The following PTPRN2 variants were observed in gnomAD, a reference collection of about 807,000 sequenced individuals.
PTPRN2 encodes receptor-type tyrosine-protein phosphatase N2.
Under a neutral mutation model 118.8 loss-of-function variants are expected in PTPRN2, and 74 were observed. The observed-to-expected ratio is 0.62, with a 90% CI of 0.52 to 0.76. The LOEUF (loss-of-function observed/expected upper bound fraction) is 0.76. Among genes scored for constraint, PTPRN2 ranks in the 30% least tolerant of loss-of-function variants. The pLI, the probability that PTPRN2 is intolerant of heterozygous loss-of-function variation, is 0.00. For missense variants in PTPRN2, 1,481 were observed against 1,394.4 expected, an observed-to-expected ratio of 1.06 and a Z score of -0.99; for synonymous variants, 641 against 608.0, an observed-to-expected ratio of 1.05 and a Z score of -0.80.
intron 2 of PTPRN2, among the ~76,000 whole-genome samples, chr7:158,428,319 G>C (rs1815903117): frequency 6.6e-6 from 1 of 152,204 alleles, no homozygotes; most frequent in African/African-American, 2.4e-5. Context: ...CAAGGGGCCT[G>C]CTCTTGGTGG....
intron 11 of PTPRN2, among the ~76,000 whole-genome samples, chr7:157,995,872 C>T (rs749039012): frequency 5.9e-5 from 9 of 152,206 alleles, no homozygotes; most frequent in African/African-American, 1.2e-4. Context: ...ATGAAATCGA[C>T]GTAAGTGTCC....
At position 157,577,744 on chromosome 7, in the gene PTPRN2, AG is replaced by A. The variant is rs535632473; in HGVS notation, c.2616+276del. ...AAGATAAAAACCACACCACACTCCC[AG>A]GGTCTGGTTCATGAGCACACAGCCG... On this transcript the variant is annotated intron_variant, in intron 18 of 22. Coordinates refer to ENST00000389418, the MANE Select transcript of PTPRN2 (RefSeq NM_002847.5). Among the ~76,000 whole-genome samples, 4 of 152,370 alleles carry A rather than the reference AG, an allele frequency of 2.6e-5. 1 individual carries two copies. In the South Asian group the frequency reaches 8.3e-4, roughly 32 times the overall value.
At chr7:158,584,067 A>C (rs1828789543) in intron 1 of PTPRN2, among the ~76,000 whole-genome samples, 1 of 152,180 alleles carries the variant, frequency 6.6e-6, no homozygotes, top group Admixed American at 6.5e-5. Flanking sequence ...GCAAATCGGA[A>C]GGCCAAAACA....
intron 11 of PTPRN2, among the ~76,000 whole-genome samples, chr7:158,067,899 C>T (rs1039011555): frequency 6.6e-6 from 1 of 152,178 alleles, no homozygotes; most frequent in Admixed American, 6.5e-5. Flanking sequence ...CAGGGCAGGC[C>T]GGGTCATGGT....
intron 3 of PTPRN2, among the ~76,000 whole-genome samples, chr7:158,209,236 C>A (rs934430111): frequency 2.6e-5 from 4 of 152,158 alleles, no homozygotes; most frequent in Admixed American, 2.0e-4. Context: ...GGACTAAACT[C>A]TCCAATCAAA....
chr7:157,759,904 G>C (rs1802029143), intron 12 of PTPRN2, among the ~76,000 whole-genome samples: 1 of 152,174 alleles, frequency 6.6e-6, no homozygotes, highest in Non-Finnish European at 1.5e-5. Flanking sequence ...AGCACTCACA[G>C]AGGCTCATCC....
intron 3 of PTPRN2, among the ~76,000 whole-genome samples, chr7:158,312,998 G>C (rs547285620): frequency 6.6e-6 from 1 of 151,826 alleles, no homozygotes; most frequent in African/African-American, 2.4e-5. Context: ...GTGTGCAGGT[G>C]AGTGTGCAGG....
At position 157,764,925 on chromosome 7, in the gene PTPRN2, A is replaced by T. The variant is rs994444181; in HGVS notation, c.1789-81988T>A. Among the ~76,000 whole-genome samples, 24 of 144,274 alleles carry T rather than the reference A, an allele frequency of 1.7e-4. No homozygotes were observed. The highest frequency in any genetic ancestry group is 6.2e-4 in the African/African-American group (24 of 38,524). The allele number at this position is 144,274 out of a possible 152,430, so 94.6% of individuals were successfully genotyped here. ...TACCCATCCATCCATCCATTGATCC[A>T]TCCATATCCATCCATCCATATCCAT... is the stretch of plus-strand genomic sequence containing the variant. On this transcript the variant is annotated intron_variant, in intron 12 of 22. Transcript: ENST00000389418. This position sits in a 1 kb window ranked among gnomAD's most constrained non-coding sequence, Gnocchi z 4.5.
At chr7:158,063,667 C>G (rs1248917026) in intron 11 of PTPRN2, among the ~76,000 whole-genome samples, 1 of 152,164 alleles carries the variant, frequency 6.6e-6, no homozygotes, top group African/African-American at 2.4e-5. Flanking sequence ...GCCAGCGAGA[C>G]CACGAACCCA....
At chr7:158,020,765 T>C (rs181348244) in intron 11 of PTPRN2, among the ~76,000 whole-genome samples, 31 of 152,260 alleles carry the variant, frequency 2.0e-4, no homozygotes, top group African/African-American at 6.7e-4. Flanking sequence ...GGATCCTGTG[T>C]CAAGTCTAAG....
chr7:158,326,963 GCACA>G (rs1156289645), intron 2 of PTPRN2, among the ~76,000 whole-genome samples: 2 of 139,486 alleles, frequency 1.4e-5, no homozygotes, highest in African/African-American at 5.5e-5. Flanking sequence ...ATGCACACAC[GCACA>G]CATTCACATG....
chr7:158,265,315 C>A (rs1327218819), intron 3 of PTPRN2, among the ~76,000 whole-genome samples: 7 of 152,082 alleles, frequency 4.6e-5, no homozygotes, highest in Admixed American at 3.9e-4. Flanking sequence ...CCTGCAGGCA[C>A]ACACCTGCAG....
intron 1 of PTPRN2, among the ~76,000 whole-genome samples, chr7:158,530,895 G>A (rs1825176216): frequency 6.6e-6 from 1 of 152,178 alleles, no homozygotes; most frequent in Admixed American, 6.5e-5. Context: ...CAGGGGAATG[G>A]CAGGCTGGGG....
intron 19 of PTPRN2, 83 bp from the exon 20 acceptor site, chr7:157,571,576 G>A: frequency 2.0e-6 from 2 of 1,025,152 alleles, no homozygotes; most frequent in Non-Finnish European, 2.9e-6. Context: ...CAAAGCGCAA[G>A]GTCTGTGTGT....
intron 11 of PTPRN2, among the ~76,000 whole-genome samples, chr7:157,935,706 T>A (rs1302929094): frequency 6.6e-6 from 1 of 152,228 alleles, no homozygotes; most frequent in Non-Finnish European, 1.5e-5. Flanking sequence ...GGCGGGTACA[T>A]CACAGGAACC....
Position 158,525,233 on chromosome 7 carries a change from C to A in PTPRN2, c.113-35448G>T, listed in dbSNP as rs887262876. 6.6e-6 allele frequency among the ~76,000 whole-genome samples: 1 copy of A among 152,200 alleles called. No individual in the cohort carries two copies. The highest frequency in any genetic ancestry group is 1.5e-5 in the Non-Finnish European group (1 of 68,032). On this transcript the variant is annotated intron_variant, in intron 1 of 22. Coordinates refer to ENST00000389418, the MANE Select transcript of PTPRN2 (RefSeq NM_002847.5). The surrounding 1 kb of genome is among the most constrained non-coding windows in gnomAD (Gnocchi z 4.1). ...GCTCTGGAAGGAAAAGCACCTCTGG[C>A]AAGTAGTCCAGAGGTGAAAGTTTCT... is the stretch of plus-strand genomic sequence containing the variant.
At chr7:158,480,631 T>C (rs1047057477) in intron 2 of PTPRN2, among the ~76,000 whole-genome samples, 9 of 152,158 alleles carry the variant, frequency 5.9e-5, no homozygotes, top group African/African-American at 2.2e-4. Flanking sequence ...AAGTTGTGAA[T>C]GTAAAGGAAA....
At chr7:157,574,445 T>C in intron 19 of PTPRN2, 1 of 528,192 alleles carries the variant, frequency 1.9e-6, no homozygotes, top group Non-Finnish European at 3.9e-6. Context: ...AGGTAAGGGT[T>C]TGTCCGTTTT....
At chr7:158,424,942 C>A (rs916504832) in intron 2 of PTPRN2, among the ~76,000 whole-genome samples, 3 of 152,192 alleles carry the variant, frequency 2.0e-5, no homozygotes, top group Non-Finnish European at 2.9e-5. Context: ...TCAGCCTAAT[C>A]TCCCATACCA....
Sources: gnomAD v4.1 joint callset for allele counts (sites outside exome capture counted in the v4.1 genomes callset) on GRCh38, gnomAD v4.1.1 for gene constraint, Gnocchi (gnomAD v3.1) non-coding constraint, MANE v1.5 for transcripts, NCBI Gene and HGNC (gene_info 2026-07-23, HGNC 2026-07-21) for gene names.